FNBP1L: variants seen among roughly 807,000 people sequenced by gnomAD.
FNBP1L encodes formin binding protein 1 like.
Under a neutral mutation model 91.2 loss-of-function variants are expected in FNBP1L, and 36 were observed. The observed-to-expected ratio is 0.39, with a 90% CI of 0.30 to 0.52. The LOEUF (loss-of-function observed/expected upper bound fraction) is 0.52. Ranked by LOEUF, FNBP1L falls within the 20% of genes least tolerant of loss-of-function variation. The probability of loss-of-function intolerance (pLI) is 0.66; values close to 1 mark genes in which losing one functional copy is unlikely to be tolerated. For missense variants in FNBP1L, 571 were observed against 732.1 expected, an observed-to-expected ratio of 0.78 and a Z score of 2.54; for synonymous variants, 242 against 237.0, an observed-to-expected ratio of 1.02 and a Z score of -0.19.
At chr1:93,533,956 G>A (rs938344879) in intron 8 of FNBP1L, among the ~76,000 whole-genome samples, 1 of 152,100 alleles carries the variant, frequency 6.6e-6, no homozygotes, top group African/African-American at 2.4e-5. Flanking sequence ...AACAGAAATA[G>A]GCAACAAAAG....
intron 1 of FNBP1L, among the ~76,000 whole-genome samples, chr1:93,457,640 ATGAT>A (rs577702079): frequency 8.6e-5 from 13 of 152,028 alleles, no homozygotes; most frequent in Non-Finnish European, 1.8e-4. Flanking sequence ...CTTATCTTTG[ATGAT>A]TTAAAAATTT....
At chr1:93,540,657 A>G (rs1672009563) in intron 10 of FNBP1L, among the ~76,000 whole-genome samples, 1 of 152,128 alleles carries the variant, frequency 6.6e-6, no homozygotes, top group Non-Finnish European at 1.5e-5. Flanking sequence ...ATTTCTTTTT[A>G]AATGTTTAAT....
intron 10 of FNBP1L, among the ~76,000 whole-genome samples, chr1:93,538,204 A>AT (rs772800557): frequency 1.3e-5 from 2 of 151,670 alleles, no homozygotes; most frequent in Non-Finnish European, 2.9e-5. Context: ...GAAAAAAAAA[A>AT]CTCAGGCAAT....
At position 93,459,941 on chromosome 1, in the gene FNBP1L, ATGTGTG is replaced by A. The variant is rs34705153; in HGVS notation, c.24+11668_24+11673del. Among the ~76,000 whole-genome samples the A allele has an allele frequency of 3.0e-3, 432 of 142,270 alleles. 1 individual carries two copies. The highest frequency in any genetic ancestry group is 0.022 in the Middle Eastern group (6 of 276). The allele number at this position is 142,270 out of a possible 152,430, so 93.3% of individuals were successfully genotyped here. A position where few individuals can be genotyped will look rare whatever the true frequency, so the allele number is the denominator to read the frequency against. ...AGACCAGAAGTGTTTTGGATTTCAG[ATGTGTG>A]TGTGTGTGTGTGTGTGTGTGTGTGT... On this transcript the variant is annotated intron_variant, in intron 1 of 16. Transcript: ENST00000271234.
intron 2 of FNBP1L, among the ~76,000 whole-genome samples, chr1:93,521,707 TTAC>T (rs1270017249): frequency 6.6e-6 from 1 of 152,224 alleles, no homozygotes; most frequent in Non-Finnish European, 1.5e-5. Flanking sequence ...TGTTATTTAC[TTAC>T]TTGAATATTT....
At chr1:93,501,867 T>C (rs1570808984) in intron 2 of FNBP1L, among the ~76,000 whole-genome samples, 1 of 152,148 alleles carries the variant, frequency 6.6e-6, no homozygotes, top group Non-Finnish European at 1.5e-5. Context: ...TGTCCTTTAA[T>C]CTAGCATTTT....
intron 1 of FNBP1L, among the ~76,000 whole-genome samples, chr1:93,457,184 C>T (rs749587508): frequency 3.9e-5 from 6 of 152,320 alleles, no homozygotes; most frequent in East Asian, 1.9e-4. Context: ...TGCGTCTGAC[C>T]TCCAACCACT....
rs1668973515 is a variant in FNBP1L at position 93,463,648 on chromosome 1, CGTTTA to C, written c.24+15344_24+15348del. 2.0e-5 allele frequency among the ~76,000 whole-genome samples: 3 copies of C among 152,128 alleles called. No individual in the cohort carries two copies. The South Asian group carries it at 6.2e-4, about 31-fold the overall frequency. On this transcript the variant is annotated intron_variant, in intron 1 of 16. Coordinates refer to ENST00000271234, the MANE Select transcript of FNBP1L (RefSeq NM_001164473.3). ...TCTGCCTGCCATCCATTTGCTTAAT[CGTTTA>C]TTTCCAGTATATATGTATTGCAGTA...
chr1:93,463,974 T>C (rs947969106), intron 1 of FNBP1L, among the ~76,000 whole-genome samples: 5 of 152,198 alleles, frequency 3.3e-5, no homozygotes, highest in Non-Finnish European at 7.4e-5. Flanking sequence ...CATAATGCCA[T>C]GAATCCAAGA....
intron 2 of FNBP1L, among the ~76,000 whole-genome samples, chr1:93,516,159 A>G (rs1294289654): frequency 6.6e-6 from 1 of 151,984 alleles, no homozygotes; most frequent in Non-Finnish European, 1.5e-5. Context: ...ACCACAGAGC[A>G]TTGTGGGATT....
chr1:93,470,236 G>A (rs1570773251), intron 1 of FNBP1L, among the ~76,000 whole-genome samples: 1 of 151,916 alleles, frequency 6.6e-6, no homozygotes, highest in South Asian at 2.1e-4. Flanking sequence ...GCTCAAGTGA[G>A]CATCCTATCT....
intron 1 of FNBP1L, among the ~76,000 whole-genome samples, chr1:93,490,168 T>A (rs960495280): frequency 1.9e-3 from 1 of 530 alleles, no homozygotes; most frequent in African/African-American, 1.9e-3. Flanking sequence ...CATAAAATAG[T>A]TTTTTTTAAA....
At chr1:93,515,658 C>T (rs959128656) in intron 2 of FNBP1L, among the ~76,000 whole-genome samples, 3 of 150,610 alleles carry the variant, frequency 2.0e-5, no homozygotes, top group Non-Finnish European at 2.9e-5. Flanking sequence ...AGTAAACTAT[C>T]GCAAGCACAA....
At chr1:93,539,755 A>G (rs1671965689) in intron 10 of FNBP1L, among the ~76,000 whole-genome samples, 1 of 151,524 alleles carries the variant, frequency 6.6e-6, no homozygotes, top group South Asian at 2.1e-4. Context: ...GGAGTTTTTT[A>G]ATAGCAAAAT....
intron 1 of FNBP1L, among the ~76,000 whole-genome samples, chr1:93,486,910 A>T (rs1446938293): frequency 6.6e-6 from 1 of 152,176 alleles, no homozygotes; most frequent in Non-Finnish European, 1.5e-5. Context: ...TTTTATCTTA[A>T]AAACCACCCT....
At chr1:93,473,628 C>T (rs1383604485) in intron 1 of FNBP1L, among the ~76,000 whole-genome samples, 1 of 152,186 alleles carries the variant, frequency 6.6e-6, no homozygotes, top group African/African-American at 2.4e-5. Context: ...GAAATTGCTA[C>T]ACTGGATAGG....
intron 1 of FNBP1L, among the ~76,000 whole-genome samples, chr1:93,479,491 A>G (rs769335627): frequency 3.3e-5 from 5 of 152,142 alleles, no homozygotes; most frequent in East Asian, 1.9e-4. Context: ...TCCCCACTCT[A>G]GTGAGCCTGA....
At chr1:93,521,934 A>G in intron 2 of FNBP1L, 148 bp from the exon 3 acceptor site, 1 of 376,398 alleles carries the variant, frequency 2.7e-6, no homozygotes, top group East Asian at 4.3e-5. Flanking sequence ...ATTACATATT[A>G]TGATGCTAAT....
intron 2 of FNBP1L, among the ~76,000 whole-genome samples, chr1:93,505,549 A>G (rs1670581411): frequency 6.6e-6 from 1 of 152,198 alleles, no homozygotes; most frequent in Admixed American, 6.5e-5. Context: ...ACAGGCTATG[A>G]CCTAATGCTT....
Sources: gnomAD v4.1 joint callset for allele counts (sites outside exome capture counted in the v4.1 genomes callset) on GRCh38, gnomAD v4.1.1 for gene constraint, MANE v1.5 for transcripts, NCBI Gene and HGNC (gene_info 2026-07-23, HGNC 2026-07-21) for gene names.